GPC5: variants seen among roughly 807,000 people sequenced by gnomAD.
GPC5 encodes the protein glypican-5.
In GPC5, 47 loss-of-function variants were observed where a neutral mutation model predicts 53.9. That is an observed-to-expected ratio of 0.87 (90% CI 0.69 to 1.11). The LOEUF (loss-of-function observed/expected upper bound fraction) is 1.11. Ranked by LOEUF, GPC5 falls within the 50% of genes most tolerant of loss-of-function variation. The pLI, the probability that GPC5 is intolerant of heterozygous loss-of-function variation, is 0.00. For synonymous variants in GPC5, 286 were observed against 263.3 expected, an observed-to-expected ratio of 1.09 and a Z score of -0.84; for missense variants, 748 against 713.1, an observed-to-expected ratio of 1.05 and a Z score of -0.56.
At chr13:91,499,691 CA>C (rs1884509111) in intron 2 of GPC5, among the ~76,000 whole-genome samples, 1 of 152,184 alleles carries the variant, frequency 6.6e-6, no homozygotes, top group Admixed American at 6.5e-5. Context: ...CGTCTTTCAT[CA>C]GGTTTGTCCC....
intron 2 of GPC5, among the ~76,000 whole-genome samples, chr13:91,456,650 G>T (rs1881577149): frequency 6.6e-6 from 1 of 151,916 alleles, no homozygotes; most frequent in Admixed American, 6.6e-5. Flanking sequence ...TGTGTGGTAT[G>T]ACACTCATTT....
chr13:92,488,473 G>C (rs570995005), intron 7 of GPC5, among the ~76,000 whole-genome samples: 1 of 152,250 alleles, frequency 6.6e-6, no homozygotes, highest in South Asian at 2.1e-4. Context: ...GCATATGCCT[G>C]CAAAAATCCC....
chr13:92,656,078 G>T (rs1886126831), intron 7 of GPC5, among the ~76,000 whole-genome samples: 1 of 152,032 alleles, frequency 6.6e-6, no homozygotes, highest in Admixed American at 6.6e-5. Flanking sequence ...AAAAAAAAGA[G>T]TTATATCATG....
At chr13:92,366,959 C>A (rs749497860) in intron 7 of GPC5, among the ~76,000 whole-genome samples, 1 of 152,156 alleles carries the variant, frequency 6.6e-6, no homozygotes, top group African/African-American at 2.4e-5. Context: ...GTACTTTCAG[C>A]ATTATTGTTA....
chr13:92,131,700 A>G (rs1404599603), intron 6 of GPC5, among the ~76,000 whole-genome samples: 4 of 151,942 alleles, frequency 2.6e-5, no homozygotes, highest in African/African-American at 9.7e-5. Context: ...GGTTGTGGTT[A>G]TTGACTGAGA....
At chr13:92,073,394 TA>T (rs1434821534) in intron 6 of GPC5, among the ~76,000 whole-genome samples, 19 of 152,248 alleles carry the variant, frequency 1.2e-4, no homozygotes, top group Non-Finnish European at 1.9e-4. Flanking sequence ...CATCATTTTA[TA>T]TACAGATTTC....
At position 91,821,826 on chromosome 13, in the gene GPC5, T is replaced by G. The variant is rs564225347; in HGVS notation, c.1280+65406T>G. ...ATTGATAAAATCAATTTATTAATAT[T>G]TTTATAGGATTTCTGTATCTGTAAC... On this transcript the variant is annotated intron_variant, in intron 5 of 7. Coordinates refer to ENST00000377067, the MANE Select transcript of GPC5 (RefSeq NM_004466.6). Among the ~76,000 whole-genome samples, 159 of 152,254 alleles carry G rather than the reference T, an allele frequency of 1.0e-3. 1 individual carries two copies. The South Asian group carries it at 0.012, about 11-fold the overall frequency.
At chr13:92,393,764 G>A (rs1176934842) in intron 7 of GPC5, among the ~76,000 whole-genome samples, 1 of 152,142 alleles carries the variant, frequency 6.6e-6, no homozygotes, top group African/African-American at 2.4e-5. Flanking sequence ...ATTGGGTACT[G>A]GACTTAACAC....
At chr13:92,038,891 C>T (rs1428821552) in intron 6 of GPC5, among the ~76,000 whole-genome samples, 1 of 152,156 alleles carries the variant, frequency 6.6e-6, no homozygotes, top group Admixed American at 6.6e-5. Flanking sequence ...ACTCATTAAA[C>T]TGAGAAGAAC....
chr13:92,842,717 C>T (rs1325727079), intron 7 of GPC5, among the ~76,000 whole-genome samples: 1 of 148,534 alleles, frequency 6.7e-6, no homozygotes, highest in African/African-American at 2.5e-5. Flanking sequence ...TAGGGTCACA[C>T]AAAACAAGAG....
chr13:92,037,239 CTTAT>C (rs375624464), intron 6 of GPC5, among the ~76,000 whole-genome samples: 7 of 151,984 alleles, frequency 4.6e-5, no homozygotes, highest in African/African-American at 1.4e-4. Flanking sequence ...ACCTTGCTTA[CTTAT>C]TTACCATCTC....
chr13:91,681,241 G>A (rs1345340760), intron 2 of GPC5, among the ~76,000 whole-genome samples: 2 of 152,150 alleles, frequency 1.3e-5, no homozygotes, highest in Non-Finnish European at 2.9e-5. Flanking sequence ...CCAAGACTTT[G>A]AACGATCTGG....
At chr13:91,577,707 C>T (rs368210056) in intron 2 of GPC5, among the ~76,000 whole-genome samples, 8 of 152,090 alleles carry the variant, frequency 5.3e-5, no homozygotes, top group South Asian at 4.2e-4. Flanking sequence ...TTCTTCTAAA[C>T]GTTTGTTACT....
intron 7 of GPC5, among the ~76,000 whole-genome samples, chr13:92,647,017 T>C (rs1442546309): frequency 6.6e-6 from 1 of 151,002 alleles, no homozygotes; most frequent in Non-Finnish European, 1.5e-5. Flanking sequence ...TTAAATCAGT[T>C]TAGCTTTTCT....
intron 7 of GPC5, among the ~76,000 whole-genome samples, chr13:92,487,627 C>T (rs2139441896): frequency 6.6e-6 from 1 of 152,044 alleles, no homozygotes; most frequent in Admixed American, 6.5e-5. Flanking sequence ...TGTTTATTTC[C>T]AAACTATTTA....
At chr13:92,509,315 C>G (rs908236844) in intron 7 of GPC5, among the ~76,000 whole-genome samples, 10 of 152,038 alleles carry the variant, frequency 6.6e-5, no homozygotes, top group African/African-American at 2.2e-4. Flanking sequence ...TATCTCTGAC[C>G]CTTTAAGCAT....
At chr13:91,804,293 A>T (rs775471126) in intron 5 of GPC5, among the ~76,000 whole-genome samples, 12 of 151,506 alleles carry the variant, frequency 7.9e-5, no homozygotes, top group Admixed American at 2.6e-4. Flanking sequence ...TCTGATCAGG[A>T]TGTTTGCTGC....
At chr13:92,737,219 C>A (rs997805600) in intron 7 of GPC5, among the ~76,000 whole-genome samples, 1 of 151,940 alleles carries the variant, frequency 6.6e-6, no homozygotes. Context: ...CTAGTGAATG[C>A]TTAATAAATG....
chr13:92,224,950 C>T (rs2042474339), intron 7 of GPC5, among the ~76,000 whole-genome samples: 1 of 152,138 alleles, frequency 6.6e-6, no homozygotes, highest in Non-Finnish European at 1.5e-5. Flanking sequence ...TCCTATAGTC[C>T]TAGCAAATCA....
Sources: allele counts gnomAD v4.1 joint callset (sites outside exome capture counted in the v4.1 genomes callset), GRCh38; gene constraint gnomAD v4.1.1; transcripts MANE v1.5; gene names NCBI Gene and HGNC (gene_info 2026-07-23, HGNC 2026-07-21).